The following R3HDM1 variants were observed in gnomAD, a reference collection of about 807,000 sequenced individuals.
R3HDM1 encodes the protein R3H domain containing 1.
A neutral mutation model predicts 141.1 loss-of-function variants in R3HDM1; 46 were observed. That is an observed-to-expected ratio of 0.33 (90% CI 0.26 to 0.42). The LOEUF (loss-of-function observed/expected upper bound fraction) is 0.42. R3HDM1 is among the 10% of genes least tolerant of loss of function. The pLI is 1.00. For missense variants in R3HDM1, 1,184 were observed against 1,368.3 expected (o/e 0.87, Z 2.12); for synonymous variants, 435 against 472.9 (o/e 0.92, Z 1.04).
intron 15 of R3HDM1, among the ~76,000 whole-genome samples, chr2:135,644,101 TCA>T (rs2064110673): frequency 6.6e-6 from 1 of 152,126 alleles, no homozygotes; most frequent in African/African-American, 2.4e-5. Context: ...AAAAGTGAAA[TCA>T]CACACACACA....
chr2:135,720,107 T>G (rs2105466258), intron 24 of R3HDM1, among the ~76,000 whole-genome samples: 1 of 152,312 alleles, frequency 6.6e-6, no homozygotes, highest in East Asian at 1.9e-4. Flanking sequence ...CCTCCCAAAG[T>G]GCTGGAATTA....
intron 1 of R3HDM1, chr2:135,558,961 T>A: frequency 1.1e-6 from 1 of 943,468 alleles, no homozygotes; most frequent in Non-Finnish European, 1.3e-6. Flanking sequence ...TTTAAAGGGT[T>A]ACTACTTTTT....
intron 24 of R3HDM1, among the ~76,000 whole-genome samples, chr2:135,717,550 G>C (rs1350546213): frequency 6.6e-6 from 1 of 152,044 alleles, no homozygotes; most frequent in African/African-American, 2.4e-5. Context: ...ACAAAGAAGG[G>C]AACAATAGAC....
At chr2:135,633,047 TA>T (rs1270007631) in intron 9 of R3HDM1, among the ~76,000 whole-genome samples, 2 of 152,216 alleles carry the variant, frequency 1.3e-5, no homozygotes, top group African/African-American at 4.8e-5. Flanking sequence ...TTAGTATTTT[TA>T]AATGATCGTT....
At position 135,573,306 on chromosome 2, in the gene R3HDM1, A is replaced by G. The variant is rs571396750; in HGVS notation, c.-249-29194A>G. ...AAAAATCTATACAGAATTTGAAGAC[A>G]TAGCATAACTTGAAGAGAATTTAAG... On this transcript the variant is annotated intron_variant, in intron 1 of 26. Coordinates refer to ENST00000683871, the MANE Select transcript of R3HDM1 (RefSeq NM_001378107.1). 1.1e-4 allele frequency among the ~76,000 whole-genome samples: 16 copies of G among 152,302 alleles called. No individual in the cohort carries two copies. The South Asian group carries it at 3.3e-3, about 32-fold the overall frequency.
intron 1 of R3HDM1, among the ~76,000 whole-genome samples, chr2:135,556,012 T>A (rs1700694049): frequency 6.6e-6 from 1 of 151,774 alleles, no homozygotes; most frequent in African/African-American, 2.4e-5. Flanking sequence ...CAAGACCCTG[T>A]CCCAAGTGGG....
intron 14 of R3HDM1, among the ~76,000 whole-genome samples, 180 bp from the exon 15 acceptor site, chr2:135,641,356 G>C (rs1302860498): frequency 6.6e-6 from 1 of 152,196 alleles, no homozygotes; most frequent in Non-Finnish European, 1.5e-5. Flanking sequence ...TAATCAGTTT[G>C]CTGTATTAAA....
chr2:135,575,976 C>T (rs1035392944), intron 1 of R3HDM1, among the ~76,000 whole-genome samples: 1 of 152,124 alleles, frequency 6.6e-6, no homozygotes, highest in Non-Finnish European at 1.5e-5. Flanking sequence ...CTAGCTCTAC[C>T]AGACATTAAA....
At chr2:135,541,640 T>G (rs574023815) in intron 1 of R3HDM1, among the ~76,000 whole-genome samples, 1 of 152,178 alleles carries the variant, frequency 6.6e-6, no homozygotes, top group South Asian at 2.1e-4. Context: ...GTTCACTGTC[T>G]TATATGGGTG....
At chr2:135,632,215 G>A (rs558008453) in intron 9 of R3HDM1, among the ~76,000 whole-genome samples, 2 of 151,814 alleles carry the variant, frequency 1.3e-5, no homozygotes, top group African/African-American at 4.8e-5. Flanking sequence ...GAGGACTGGG[G>A]CATATGGTAA....
At chr2:135,679,922 A>T (rs2069936652) in intron 20 of R3HDM1, among the ~76,000 whole-genome samples, 1 of 152,140 alleles carries the variant, frequency 6.6e-6, no homozygotes, top group African/African-American at 2.4e-5. Context: ...TCTACTAAAA[A>T]TACAAAAATT....
At chr2:135,683,773 AATTACC>A (rs1417047467) in intron 21 of R3HDM1, among the ~76,000 whole-genome samples, 1 of 152,142 alleles carries the variant, frequency 6.6e-6, no homozygotes, top group Non-Finnish European at 1.5e-5. Context: ...CAGATAGTTG[AATTACC>A]ATCTAAGGGC....
At chr2:135,657,069 C>T (rs969537766) in intron 18 of R3HDM1, among the ~76,000 whole-genome samples, 2 of 151,148 alleles carry the variant, frequency 1.3e-5, no homozygotes, top group Non-Finnish European at 2.9e-5. Context: ...CACTGCACTT[C>T]TGGGCCACAG....
chr2:135,588,190 C>T (rs1270861893), intron 1 of R3HDM1, among the ~76,000 whole-genome samples: 6 of 151,966 alleles, frequency 3.9e-5, no homozygotes, highest in Admixed American at 3.9e-4. Context: ...TTGGTCTCTT[C>T]CTGTCCCTAT....
chr2:135,585,380 T>C lies in R3HDM1; in HGVS notation c.-249-17120T>C, dbSNP rs369369342. 3.9e-5 allele frequency among the ~76,000 whole-genome samples: 6 copies of C among 152,348 alleles called. No homozygotes were observed. The East Asian group carries it at 1.2e-3, about 29-fold the overall frequency. On this transcript the variant is annotated intron_variant, in intron 1 of 26. Transcript: ENST00000683871. The stretch of plus-strand genomic sequence containing the variant: ...TACATGACTTAACATTTTAGTGACA[T>C]AGAAAAGTGGGATTTCTGGTTGGTG...
At chr2:135,595,282 ACT>A (rs1034903666) in intron 1 of R3HDM1, among the ~76,000 whole-genome samples, 5 of 151,806 alleles carry the variant, frequency 3.3e-5, no homozygotes, top group African/African-American at 9.7e-5. Flanking sequence ...TCCTCTCATA[ACT>A]CTTCCAGCTC....
intron 2 of R3HDM1, among the ~76,000 whole-genome samples, chr2:135,603,002 GA>G (rs2059741717): frequency 6.6e-6 from 1 of 151,954 alleles, no homozygotes; most frequent in African/African-American, 2.4e-5. Flanking sequence ...TATTTATTGA[GA>G]TGGAGTCTCA....
At chr2:135,582,430 T>G (rs1412902181) in intron 1 of R3HDM1, among the ~76,000 whole-genome samples, 1 of 152,224 alleles carries the variant, frequency 6.6e-6, no homozygotes, top group Non-Finnish European at 1.5e-5. Context: ...TTTTAGGTTA[T>G]TACAATTTTA....
intron 3 of R3HDM1, among the ~76,000 whole-genome samples, chr2:135,608,771 A>C (rs1191489623): frequency 6.6e-6 from 1 of 152,136 alleles, no homozygotes; most frequent in Admixed American, 6.5e-5. Context: ...TAGGTTTTCT[A>C]TTGAGATTTT....
Sources: allele counts gnomAD v4.1 joint callset (sites outside exome capture counted in the v4.1 genomes callset), GRCh38; gene constraint gnomAD v4.1.1; transcripts MANE v1.5; gene names NCBI Gene and HGNC (gene_info 2026-07-23, HGNC 2026-07-21).